Variants in NCKAP5 observed in about 807,000 individuals in gnomAD.
NCKAP5 encodes NCK associated protein 5.
A neutral mutation model predicts 167.0 loss-of-function variants in NCKAP5; 92 were observed. The observed-to-expected ratio is 0.55, with a 90% CI of 0.47 to 0.66. The LOEUF (loss-of-function observed/expected upper bound fraction) is 0.66. NCKAP5 is among the 30% of genes least tolerant of loss of function. The pLI is 0.00. For synonymous variants in NCKAP5, 891 were observed against 877.4 expected (o/e 1.02, Z -0.27); for missense variants, 2,378 against 2,315.0 (o/e 1.03, Z -0.56).
At chr2:133,511,367 G>C (rs1316683674) in intron 3 of NCKAP5, among the ~76,000 whole-genome samples, 1 of 152,050 alleles carries the variant, frequency 6.6e-6, no homozygotes, top group Non-Finnish European at 1.5e-5. Context: ...TCCATCCATG[G>C]GACCCGGAGA....
At chr2:133,514,574 C>A (rs1346579415) in intron 3 of NCKAP5, among the ~76,000 whole-genome samples, 2 of 152,116 alleles carry the variant, frequency 1.3e-5, no homozygotes, top group African/African-American at 4.8e-5. Context: ...AAGTTAATAG[C>A]ACCTTATTCT....
intron 2 of NCKAP5, among the ~76,000 whole-genome samples, chr2:133,553,012 T>C (rs1687475348): frequency 6.6e-6 from 1 of 152,172 alleles, no homozygotes; most frequent in South Asian, 2.1e-4. Flanking sequence ...CACATTAAAA[T>C]ATTAGAGTAC....
intron 3 of NCKAP5, among the ~76,000 whole-genome samples, chr2:133,436,722 A>T (rs77437827): frequency 0.11 from 16,402 of 151,972 alleles, 956 homozygotes; most frequent in African/African-American, 0.11. Flanking sequence ...ATCTGTTCTC[A>T]CTTGCTTATG....
At chr2:133,609,134 T>C in the NCKAP5 span, among the ~76,000 whole-genome samples, 1 of 152,202 alleles carries the variant, frequency 6.6e-6, no homozygotes, top group South Asian at 2.1e-4. Context: ...CAGAATTCTA[T>C]AACTTCATTG....
intron 5 of NCKAP5, among the ~76,000 whole-genome samples, chr2:133,199,190 A>G (rs2085565195): frequency 6.6e-6 from 1 of 152,046 alleles, no homozygotes; most frequent in South Asian, 2.1e-4. Flanking sequence ...TTTTGTAAAC[A>G]TAGGGTAGGC....
the NCKAP5 span, among the ~76,000 whole-genome samples, chr2:133,581,773 T>C: frequency 2.6e-5 from 4 of 152,252 alleles, no homozygotes. Flanking sequence ...AACCTCCATC[T>C]GTCTGAAATG....
chr2:133,317,654 G>T (rs959216876), intron 3 of NCKAP5, among the ~76,000 whole-genome samples: 5 of 152,150 alleles, frequency 3.3e-5, no homozygotes, highest in African/African-American at 1.2e-4. Flanking sequence ...TCCTTCGCCA[G>T]CTGTAGCCGA....
At chr2:132,893,000 A>AAG (rs1323649902) in intron 8 of NCKAP5, among the ~76,000 whole-genome samples, 19 of 68,620 alleles carry the variant, frequency 2.8e-4, no homozygotes, top group African/African-American at 1.2e-3. Context: ...AAAAGCTGAA[A>AAG]AAAAAAAAAA....
intron 2 of NCKAP5, among the ~76,000 whole-genome samples, chr2:133,540,646 C>A (rs912498853): frequency 8.6e-5 from 13 of 151,902 alleles, no homozygotes; most frequent in African/African-American, 3.1e-4. Flanking sequence ...TTAAAAATAG[C>A]AATTGAAGGC....
intron 4 of NCKAP5, among the ~76,000 whole-genome samples, chr2:133,281,622 A>G (rs1471031839): frequency 6.6e-6 from 1 of 152,230 alleles, no homozygotes; most frequent in Non-Finnish European, 1.5e-5. Flanking sequence ...CAAGTTCTTA[A>G]AAGTTAAGAA....
At chr2:133,126,014 C>T (rs1188799673) in intron 6 of NCKAP5, among the ~76,000 whole-genome samples, 1 of 152,196 alleles carries the variant, frequency 6.6e-6, no homozygotes, top group African/African-American at 2.4e-5. Context: ...GATCCCATTA[C>T]TCATTAATAG....
chr2:133,619,611 A>G, the NCKAP5 span, among the ~76,000 whole-genome samples: 1 of 152,098 alleles, frequency 6.6e-6, no homozygotes, highest in Non-Finnish European at 1.5e-5. Flanking sequence ...CTAAGAATAA[A>G]TGTCCAAACC....
At position 133,383,964 on chromosome 2, in the gene NCKAP5, G is replaced by A. The variant is rs188882619; in HGVS notation, c.70-80854C>T. 2.7e-3 allele frequency among the ~76,000 whole-genome samples: 406 copies of A among 152,248 alleles called. 5 individuals are homozygous for A. The highest frequency in any genetic ancestry group is 8.8e-3 in the African/African-American group (364 of 41,520). ...TGTAGATTCTGGATATTAGCCCTTT[G>A]TCAGATGAATAGATTGCAAAAATTT... On this transcript the variant is annotated intron_variant, in intron 3 of 19. Coordinates refer to ENST00000409261, the MANE Select transcript of NCKAP5 (RefSeq NM_207363.3).
At chr2:133,640,176 A>T in the NCKAP5 span, among the ~76,000 whole-genome samples, 1 of 152,212 alleles carries the variant, frequency 6.6e-6, no homozygotes, top group Non-Finnish European at 1.5e-5. Flanking sequence ...ATACACAGGA[A>T]CATCAATTTT....
At chr2:132,964,013 A>G in intron 7 of NCKAP5, 144 bp from the exon 8 acceptor site, 1 of 911,372 alleles carries the variant, frequency 1.1e-6, no homozygotes, top group Middle Eastern at 2.5e-4. Context: ...AGAGGGGTTT[A>G]TTTTAAAAAA....
intron 11 of NCKAP5, among the ~76,000 whole-genome samples, chr2:132,837,822 C>T (rs1688005335): frequency 6.6e-6 from 1 of 152,150 alleles, no homozygotes; most frequent in Non-Finnish European, 1.5e-5. Flanking sequence ...TGACTTCCCA[C>T]TGGGGAGACC....
At chr2:133,332,336 C>T (rs1682911224) in intron 3 of NCKAP5, among the ~76,000 whole-genome samples, 2 of 152,108 alleles carry the variant, frequency 1.3e-5, no homozygotes, top group Admixed American at 1.3e-4. Context: ...TAACCAGAAT[C>T]CAACACTCCA....
rs16858020 is a variant in NCKAP5 at position 133,177,233 on chromosome 2, G to A, written c.207+36483C>T. On this transcript the variant is annotated intron_variant, in intron 5 of 19. Transcript: ENST00000409261. ...ATGCATGTTTTCCATCTCTCCATCCGTGATCACAGCGTTGTAAGGCTTACA... is the reference window on the plus strand; with the variant it reads ...ATGCATGTTTTCCATCTCTCCATCCATGATCACAGCGTTGTAAGGCTTACA... 6.4e-3 allele frequency among the ~76,000 whole-genome samples: 965 copies of A among 150,320 alleles called. 18 individuals are homozygous for A. Among genetic ancestry groups the A allele is most frequent in the African/African-American group, 0.022 (910 of 40,834 alleles).
rs1310367489 is a variant in NCKAP5 at position 132,920,678 on chromosome 2, T to TATAA, written c.580-41763_580-41762insTTAT. 7.8e-5 allele frequency among the ~76,000 whole-genome samples: 9 copies of TATAA among 115,480 alleles called. No individual in the cohort carries two copies. The South Asian group carries it at 1.4e-3, about 18-fold the overall frequency. 75.8% of individuals were successfully genotyped at this position (115,480 alleles called of 152,430 possible). ...AAGAACTTATATATATATATATATA[T>TATAA]AAGTTAGTTTATATATATATATACG... On this transcript the variant is annotated intron_variant, in intron 8 of 19. Transcript: ENST00000409261.
Sources: allele counts gnomAD v4.1 joint callset (sites outside exome capture counted in the v4.1 genomes callset), GRCh38; gene constraint gnomAD v4.1.1; transcripts MANE v1.5; gene names NCBI Gene and HGNC (gene_info 2026-07-23, HGNC 2026-07-21).